CSMD2: variants seen among roughly 807,000 people sequenced by gnomAD.
CSMD2 encodes the protein CUB and Sushi multiple domains 2.
A neutral mutation model predicts 398.5 loss-of-function variants in CSMD2; 130 were observed. That is an observed-to-expected ratio of 0.33 (90% CI 0.28 to 0.38). The LOEUF is 0.38. CSMD2 is among the 10% of genes least tolerant of loss of function. The probability of loss-of-function intolerance (pLI) is 1.00; values close to 1 mark genes in which losing one functional copy is unlikely to be tolerated. For synonymous variants in CSMD2, 1,828 were observed against 1,908.5 expected (o/e 0.96, Z 1.10); for missense variants, 3,829 against 4,764.9 (o/e 0.80, Z 5.78).
chr1:33,674,885 A>G lies in CSMD2; in HGVS notation c.4053-11793T>C, dbSNP rs570626296. Among the ~76,000 whole-genome samples the G allele has an allele frequency of 2.6e-5, 4 of 152,360 alleles. No individual in the cohort carries two copies. In the East Asian group the frequency reaches 5.8e-4, roughly 22 times the overall value. ...TGGGTACATAACGAAATGAAGGCAG[A>G]AAAAAAGATGTTCTTTGAAACCAAT... is the stretch of plus-strand genomic sequence containing the variant. On this transcript the variant is annotated intron_variant, in intron 25 of 70. Transcript: ENST00000373381.
At chr1:33,629,823 A>G (rs1461558981) in intron 32 of CSMD2, among the ~76,000 whole-genome samples, 1 of 150,728 alleles carries the variant, frequency 6.6e-6, no homozygotes, top group African/African-American at 2.4e-5. Flanking sequence ...GCTTACTGCT[A>G]CCTCCACCTC....
At chr1:33,868,140 G>C (rs934578334) in intron 5 of CSMD2, among the ~76,000 whole-genome samples, 1 of 152,162 alleles carries the variant, frequency 6.6e-6, no homozygotes, top group Non-Finnish European at 1.5e-5. Flanking sequence ...GAGAGAAAAA[G>C]TAGATGGACA....
intron 2 of CSMD2, among the ~76,000 whole-genome samples, chr1:34,039,444 A>G (rs1651571542): frequency 6.6e-6 from 1 of 152,198 alleles, no homozygotes; most frequent in Admixed American, 6.5e-5. Context: ...ACTTTTGGTG[A>G]GTTAAGCCAT....
intron 1 of CSMD2, among the ~76,000 whole-genome samples, chr1:34,127,056 G>A (rs1247693253): frequency 3.3e-5 from 5 of 152,148 alleles, no homozygotes; most frequent in Non-Finnish European, 5.9e-5. Context: ...AAAAGTGACA[G>A]AGACACAGGC....
At chr1:33,807,339 C>A (rs1223744663) in intron 10 of CSMD2, among the ~76,000 whole-genome samples, 1 of 152,188 alleles carries the variant, frequency 6.6e-6, no homozygotes, top group Non-Finnish European at 1.5e-5. Context: ...ACCCCAACCT[C>A]AGCATCATGC....
At chr1:33,654,244 C>T (rs1187402663) in intron 27 of CSMD2, among the ~76,000 whole-genome samples, 3 of 152,178 alleles carry the variant, frequency 2.0e-5, no homozygotes, top group African/African-American at 7.2e-5. Flanking sequence ...TACACTATCT[C>T]ATTTATGTCT....
chr1:33,837,567 G>T lies in CSMD2; in HGVS notation c.1033+9317C>A, dbSNP rs375279856. 3.0e-4 allele frequency among the ~76,000 whole-genome samples: 46 copies of T among 152,256 alleles called. No homozygotes were observed. The South Asian group carries it at 9.1e-3, about 30-fold the overall frequency. ...CCCGATAGTATGCTTAATATTCACT[G>T]GGCTGCTTCTCGTACTGTGCCCTTA... is the stretch of plus-strand genomic sequence containing the variant. On this transcript the variant is annotated intron_variant, in intron 6 of 70. Coordinates refer to ENST00000373381, the MANE Select transcript of CSMD2 (RefSeq NM_001281956.2).
At chr1:33,990,329 G>C (rs1646507236) in intron 3 of CSMD2, among the ~76,000 whole-genome samples, 1 of 152,170 alleles carries the variant, frequency 6.6e-6, no homozygotes, top group Non-Finnish European at 1.5e-5. Context: ...AGTAATGTAA[G>C]ATATGTAGTA....
intron 1 of CSMD2, among the ~76,000 whole-genome samples, chr1:34,090,519 A>G (rs904544905): frequency 7.1e-6 from 1 of 141,676 alleles, no homozygotes; most frequent in Non-Finnish European, 1.5e-5. Context: ...ATGTCCCCCC[A>G]CCCACTCTCT....
rs76313928 is a variant in CSMD2, at chr1:33,927,917, T to C, written c.712+7843A>G. Among the ~76,000 whole-genome samples the C allele has an allele frequency of 1.2e-4, 19 of 152,306 alleles. No individual in the cohort carries two copies. In the East Asian group the frequency reaches 3.5e-3, roughly 28 times the overall value. On this transcript the variant is annotated intron_variant, in intron 4 of 70. Transcript: ENST00000373381. ...TTCCAGCCCCCACCCTGAAGCAGCA[T>C]CTGTCCAACAGAATGACCTCAGGCC...
At chr1:34,082,469 C>G (rs1162536496) in intron 2 of CSMD2, among the ~76,000 whole-genome samples, 8 of 151,968 alleles carry the variant, frequency 5.3e-5, no homozygotes, top group Non-Finnish European at 1.0e-4. Context: ...GGCGCCCACG[C>G]CCGGCAGCCA....
chr1:33,768,894 G>A (rs1298078962), intron 13 of CSMD2, among the ~76,000 whole-genome samples: 1 of 152,170 alleles, frequency 6.6e-6, no homozygotes, highest in African/African-American at 2.4e-5. Flanking sequence ...ATTAAGAACT[G>A]AGCAATTAGG....
chr1:33,978,193 G>C (rs1049682543), intron 3 of CSMD2, among the ~76,000 whole-genome samples: 15 of 152,190 alleles, frequency 9.9e-5, no homozygotes, highest in Non-Finnish European at 4.4e-5. Context: ...TTACAACACA[G>C]GAAGTCTGAC....
intron 25 of CSMD2, among the ~76,000 whole-genome samples, chr1:33,672,559 C>T (rs1170256345): frequency 1.3e-5 from 2 of 152,206 alleles, no homozygotes; most frequent in African/African-American, 2.4e-5. Context: ...AATCAAAAGG[C>T]GGCAGTAACC....
chr1:34,022,678 T>G (rs1649077773), intron 3 of CSMD2, among the ~76,000 whole-genome samples: 1 of 152,016 alleles, frequency 6.6e-6, no homozygotes, highest in African/African-American at 2.4e-5. Context: ...ACTCAGTGTG[T>G]TTGAAAGACA....
At chr1:33,761,263 T>C (rs1397924632) in intron 13 of CSMD2, among the ~76,000 whole-genome samples, 1 of 152,060 alleles carries the variant, frequency 6.6e-6, no homozygotes, top group African/African-American at 2.4e-5. Flanking sequence ...TCTTTCCATG[T>C]CCCAAGCAAA....
At chr1:33,836,670 G>A (rs796594648) in intron 6 of CSMD2, among the ~76,000 whole-genome samples, 2 of 152,310 alleles carry the variant, frequency 1.3e-5, no homozygotes, top group African/African-American at 4.8e-5. Flanking sequence ...GCCATGCGTG[G>A]GATATAATCT....
At chr1:33,576,256 A>G (rs1056712426) in intron 49 of CSMD2, among the ~76,000 whole-genome samples, 1 of 152,232 alleles carries the variant, frequency 6.6e-6, no homozygotes, top group African/African-American at 2.4e-5. Context: ...TTTTCTCATA[A>G]TGCTGTGCAA....
At position 33,915,541 on chromosome 1, in the gene CSMD2, G is replaced by A. The variant is rs1643678816; in HGVS notation, c.920+2553C>T. 2.6e-5 allele frequency among the ~76,000 whole-genome samples: 4 copies of A among 152,284 alleles called. No individual in the cohort carries two copies. The South Asian group carries it at 8.3e-4, about 32-fold the overall frequency. Reference sequence around the variant, plus strand: ...CTGCTTAATTCCTTCCCCACTGAGTGACTTAATAGGAAAAGGAACTCTTTC... The same window carrying A: ...CTGCTTAATTCCTTCCCCACTGAGTAACTTAATAGGAAAAGGAACTCTTTC... On this transcript the variant is annotated intron_variant, in intron 5 of 70. Transcript: ENST00000373381.
Sources: gnomAD v4.1 joint callset for allele counts (sites outside exome capture counted in the v4.1 genomes callset) on GRCh38, gnomAD v4.1.1 for gene constraint, MANE v1.5 for transcripts, NCBI Gene and HGNC (gene_info 2026-07-23, HGNC 2026-07-21) for gene names.